The following UBAP2L variants were observed in gnomAD, a reference collection of about 807,000 sequenced individuals.
The protein encoded by UBAP2L is ubiquitin-associated protein 2-like.
Under a neutral mutation model 130.6 loss-of-function variants are expected in UBAP2L, and 12 were observed. That is an observed-to-expected ratio of 0.09 (90% CI 0.06 to 0.15). The LOEUF is 0.15. Among genes scored for constraint, UBAP2L ranks in the 10% least tolerant of loss-of-function variants. The pLI, the probability that UBAP2L is intolerant of heterozygous loss-of-function variation, is 1.00. For synonymous variants in UBAP2L, 503 were observed against 524.7 expected (o/e 0.96, Z 0.57); for missense variants, 965 against 1,332.5 (o/e 0.72, Z 4.29).
At chr1:154,227,156 C>A in intron 2 of UBAP2L, 126 bp from the exon 3 acceptor site, 2 of 771,536 alleles carry the variant, frequency 2.6e-6, no homozygotes, top group Non-Finnish European at 4.4e-6. Flanking sequence ...CTAAATGGTG[C>A]TTTATTACTT....
At chr1:154,262,087 G>A (rs1681746187) in intron 24 of UBAP2L, among the ~76,000 whole-genome samples, 2 of 152,218 alleles carry the variant, frequency 1.3e-5, no homozygotes, top group African/African-American at 4.8e-5. Context: ...AGGATTAAAT[G>A]GGTTCATAGC....
intron 14 of UBAP2L, 85 bp downstream of exon 14, chr1:154,251,738 G>A: frequency 6.6e-7 from 1 of 1,505,862 alleles, no homozygotes; most frequent in East Asian, 2.3e-5. Flanking sequence ...ACTCTGGAGA[G>A]GCCAAGCCCC....
chr1:154,252,009 T>C (rs1677788226), intron 14 of UBAP2L, among the ~76,000 whole-genome samples: 1 of 152,162 alleles, frequency 6.6e-6, no homozygotes, highest in Non-Finnish European at 1.5e-5. Flanking sequence ...AGTTTCACTC[T>C]GTTGCTTAGG....
chr1:154,261,238 T>A (rs534250443), intron 23 of UBAP2L, 129 bp downstream of exon 23: 57 of 1,108,060 alleles, frequency 5.1e-5, no homozygotes, highest in Non-Finnish European at 6.5e-5. Flanking sequence ...TGGCCTGTTT[T>A]TGGCCTGATG....
chr1:154,232,885 C>T (rs1314339659), intron 4 of UBAP2L, among the ~76,000 whole-genome samples: 1 of 152,024 alleles, frequency 6.6e-6, no homozygotes, highest in African/African-American at 2.4e-5. Context: ...TTAGTAGAGA[C>T]CAGAGTCTCA....
intron 24 of UBAP2L, 22 bp from the exon 25 acceptor site, chr1:154,266,479 T>C (rs372898645): frequency 1.2e-6 from 2 of 1,613,776 alleles, no homozygotes; most frequent in Non-Finnish European, 8.5e-7. Flanking sequence ...CTAATCCTCC[T>C]GTCTGTTTCC....
rs570318542 is a variant in UBAP2L, at chr1:154,256,982, A to T, written c.2158-81A>T. 290 of 1,481,916 alleles carry T rather than the reference A, an allele frequency of 2.0e-4. 3 individuals are homozygous for T. In the South Asian group the frequency reaches 3.5e-3, roughly 18 times the overall value. The allele number at this position is 1,481,916 out of a possible 1,614,324, so 91.8% of individuals were successfully genotyped here. On this transcript the variant is annotated intron_variant, in intron 18 of 26. Transcript: ENST00000428931. ...AAGTTGACATCATAATATATTCAGC[A>T]GGAGGGATTGTCTTATTTTTCCTGA... is the stretch of plus-strand genomic sequence containing the variant.
chr1:154,251,084 A>G lies in UBAP2L; in HGVS notation c.1257A>G (p.Thr419=). ...PSDSAVHSPF[T]KRQAFTPSST... ...ATTCAGCAGTGCACAGCCCCTTTAC[A>G]AAGCGCCAGGCTTTTACCCCATCTT... Residue 419 remains threonine, a synonymous_variant, in exon 13 of 27, where the codon ACA becomes ACG. Transcript: ENST00000428931. 1 of 1,614,032 alleles carries G rather than the reference A, an allele frequency of 6.2e-7. No homozygotes were observed. The highest frequency in any genetic ancestry group is 8.5e-7 in the Non-Finnish European group (1 of 1,179,974).
chr1:154,239,599 TC>T (rs1226186693), intron 8 of UBAP2L, among the ~76,000 whole-genome samples: 1 of 152,178 alleles, frequency 6.6e-6, no homozygotes, highest in Middle Eastern at 3.2e-3. Context: ...CTCTCTCTCT[TC>T]CTCAGCCATG....
At chr1:154,269,428 G>T in intron 26 of UBAP2L, 1 of 1,307,224 alleles carries the variant, frequency 7.6e-7, no homozygotes. Context: ...GAAATTGAAT[G>T]ATCATATGCT....
intron 4 of UBAP2L, among the ~76,000 whole-genome samples, chr1:154,233,104 C>A (rs1670394723): frequency 6.6e-6 from 1 of 151,956 alleles, no homozygotes; most frequent in South Asian, 2.1e-4. Context: ...ACCTCCGACT[C>A]CTGGGTTCAA....
intron 20 of UBAP2L, chr1:154,257,779 A>C (rs930466545): frequency 3.2e-6 from 1 of 313,534 alleles, no homozygotes; most frequent in Admixed American, 4.8e-5. Context: ...AACTGAGGCC[A>C]ACCCATCTAT....
intron 20 of UBAP2L, chr1:154,257,790 T>A: frequency 3.4e-6 from 1 of 298,180 alleles, no homozygotes; most frequent in Middle Eastern, 1.2e-3. Flanking sequence ...ACCCATCTAT[T>A]GTGTATCTGC....
At chr1:154,252,300 T>G (rs927065877) in intron 14 of UBAP2L, among the ~76,000 whole-genome samples, 1 of 137,290 alleles carries the variant, frequency 7.3e-6, no homozygotes, top group Non-Finnish European at 1.6e-5. Context: ...TTTTTTTTTT[T>G]AGATGGAGTT....
intron 25 of UBAP2L, 34 bp from the exon 26 acceptor site, chr1:154,268,723 C>A (rs760097444): frequency 1.2e-6 from 2 of 1,611,056 alleles, no homozygotes; most frequent in East Asian, 4.5e-5. Flanking sequence ...TTGCTGATCC[C>A]TTTTACTCTG....
At chr1:154,251,706 T>G (rs1292585503) in intron 14 of UBAP2L, 53 bp downstream of exon 14, 6 of 1,596,272 alleles carry the variant, frequency 3.8e-6, no homozygotes, top group Non-Finnish European at 5.1e-6. Context: ...ACTACTTTTT[T>G]AATCTGTGGG....
chr1:154,226,100 C>T (rs1178538381), intron 2 of UBAP2L, among the ~76,000 whole-genome samples: 5 of 152,218 alleles, frequency 3.3e-5, no homozygotes, highest in East Asian at 1.9e-4. Context: ...AGGCATGAGC[C>T]GCTGTGCCCT....
upstream of UBAP2L, chr1:154,220,708 T>C: frequency 2.3e-6 from 1 of 438,452 alleles, no homozygotes; most frequent in Non-Finnish European, 4.2e-6. Context: ...CATCCGTGCG[T>C]CACGTGGTGG....
At chr1:154,267,952 C>A (rs1260914595) in intron 25 of UBAP2L, among the ~76,000 whole-genome samples, 1 of 123,486 alleles carries the variant, frequency 8.1e-6, no homozygotes, top group Admixed American at 1.0e-4. Context: ...TGTAATGGTG[C>A]GATCTGGGCT....
Sources: allele counts gnomAD v4.1 joint callset (sites outside exome capture counted in the v4.1 genomes callset), GRCh38; gene constraint gnomAD v4.1.1; transcripts MANE v1.5; gene names NCBI Gene and HGNC (gene_info 2026-07-23, HGNC 2026-07-21).